The following BCAN variants were observed in gnomAD, a reference collection of about 807,000 sequenced individuals.
The protein encoded by BCAN is brevican core protein.
A neutral mutation model predicts 92.4 loss-of-function variants in BCAN; 51 were observed. The observed-to-expected ratio is 0.55, with a 90% CI of 0.44 to 0.70. The LOEUF (loss-of-function observed/expected upper bound fraction) is 0.70. Ranked by LOEUF, BCAN falls within the 30% of genes least tolerant of loss-of-function variation. The pLI is 0.00. For missense variants in BCAN, 1,140 were observed against 1,212.1 expected, an observed-to-expected ratio of 0.94 and a Z score of 0.88; for synonymous variants, 501 against 505.2, an observed-to-expected ratio of 0.99 and a Z score of 0.11.
At chr1:156,645,179 C>T (rs4292954) in intron 1 of BCAN, among the ~76,000 whole-genome samples, 5 of 152,204 alleles carry the variant, frequency 3.3e-5, no homozygotes, top group South Asian at 2.1e-4. Flanking sequence ...TTCTCCCCCC[C>T]CTTAGTCCAC....
Position 156,646,090 on chromosome 1 carries a change from G to C in BCAN, c.36G>C (p.Leu12=). Residue 12 remains leucine, a synonymous_variant, in exon 2 of 14, where the codon CTG becomes CTC. Coordinates refer to ENST00000329117, the MANE Select transcript of BCAN (RefSeq NM_021948.5). The part of the protein sequence containing the change: ...AQLFLPLLAA[L]VLAQAPAALA... ...TGTTCCTGCCCCTGCTGGCAGCCCT[G>C]GTCCTGGCCCAGGCTCCTGCAGCTT... is the stretch of plus-strand genomic sequence containing the variant. The C allele has an allele frequency of 1.2e-6, 2 of 1,613,828 alleles. No homozygotes were observed. Among genetic ancestry groups the C allele is most frequent in the Non-Finnish European group, 1.7e-6 (2 of 1,179,760 alleles).
chr1:156,657,374 T>G lies in BCAN; in HGVS notation c.2209+278T>G, dbSNP rs370454010. ...GGGGCCGCCTCCAATCCCTCCAACC[T>G]CCCTGCTCTCCGACCTCCGTCGGCC... On this transcript the variant is annotated intron_variant, in intron 10 of 13. Transcript: ENST00000329117. The G allele has an allele frequency of 1.4e-5, 8 of 558,200 alleles. 1 individual carries two copies. In the Middle Eastern group the frequency reaches 1.4e-3, roughly 99 times the overall value. 34.6% of individuals were successfully genotyped at this position (558,200 alleles called of 1,614,324 possible). A position where few individuals can be genotyped will look rare whatever the true frequency, so the allele number is the denominator to read the frequency against.
chr1:156,642,987 GC>G lies in BCAN; in HGVS notation c.-9+714del, dbSNP rs1190655432. The G allele has an allele frequency of 6.6e-6, 1 of 152,180 alleles. No homozygotes were observed. The highest frequency in any genetic ancestry group is 6.5e-5 in the Admixed American group (1 of 15,280). The allele number at this position is 152,180 out of a possible 1,614,324, so 9.4% of individuals were successfully genotyped here. A position where few individuals can be genotyped will look rare whatever the true frequency, so the allele number is the denominator to read the frequency against. On this transcript the variant is annotated intron_variant, in intron 1 of 13. Coordinates refer to ENST00000329117, the MANE Select transcript of BCAN (RefSeq NM_021948.5). This position sits in a 1 kb window ranked among gnomAD's most constrained non-coding sequence, Gnocchi z 4.2. ...CACTATTGCATTCCTTCCTAGCACT[GC>G]CAGGGGCCTGGGAATTCCCTCTCCC...
At position 156,658,183 on chromosome 1, in the gene BCAN, C is replaced by T. The variant is rs1679402700; in HGVS notation, c.2349C>T (p.Asn783=). The change falls in exon 12 of 14, where the codon AAC becomes AAT. Residue 783 remains asparagine, a synonymous_variant. Transcript: ENST00000329117. This position sits in a 1 kb window ranked among gnomAD's most constrained non-coding sequence, Gnocchi z 4.4. ...ACAGCTACTTCCTGTCTGGAGAGAA[C>T]TGCGTGGTCATGGTGTGGCATGATC... ...QPDSYFLSGE[N]CVVMVWHDQG... The T allele has an allele frequency of 1.7e-5, 28 of 1,614,096 alleles. No individual in the cohort carries two copies. Among genetic ancestry groups the T allele is most frequent in the Non-Finnish European group, 1.9e-5 (23 of 1,179,998 alleles).
At chr1:156,656,532 T>TC (rs1679334533) in intron 9 of BCAN, 143 bp downstream of exon 9, 1 of 612,502 alleles carries the variant, frequency 1.6e-6, no homozygotes, top group South Asian at 4.5e-5. Context: ...CTTCTTTGAG[T>TC]CCTACCCTCA....
chr1:156,651,452 A>G lies in BCAN; in HGVS notation c.1064-4A>G, dbSNP rs1679161198. ...CTCGCATCAATACTTTCCTCCTGCC[A>G]CAGACTCGGCCCAGCCTTCTGCCAT... is the stretch of plus-strand genomic sequence containing the variant. On this transcript the variant is annotated splice_polypyrimidine_tract_variant and splice_region_variant and intron_variant, in intron 6 of 13. Coordinates refer to ENST00000329117, the MANE Select transcript of BCAN (RefSeq NM_021948.5). 3 of 1,612,184 alleles carry G rather than the reference A, an allele frequency of 1.9e-6. No homozygotes were observed. Among genetic ancestry groups the G allele is most frequent in the Middle Eastern group, 1.7e-4 (1 of 6,054 alleles).
intron 1 of BCAN, among the ~76,000 whole-genome samples, chr1:156,645,451 C>T (rs891077439): frequency 6.6e-6 from 1 of 152,100 alleles, no homozygotes; most frequent in Admixed American, 6.6e-5. Flanking sequence ...AGAGGGTGGG[C>T]TCAGGAGAAG....
At chr1:156,650,352 C>A (rs1557988607) in intron 6 of BCAN, among the ~76,000 whole-genome samples, 1 of 152,098 alleles carries the variant, frequency 6.6e-6, no homozygotes, top group Non-Finnish European at 1.5e-5. Context: ...CTCACTGGAG[C>A]AGGTGATGAG....
At chr1:156,653,585 C>G in intron 8 of BCAN, 1 of 962,702 alleles carries the variant, frequency 1.0e-6, no homozygotes, top group Non-Finnish European at 1.2e-6. Context: ...CTCCCTGTCT[C>G]TGTGTGTGTC....
At position 156,658,611 on chromosome 1, in the gene BCAN, G is replaced by A; in HGVS notation, c.2506G>A (p.Val836Met). The change falls in exon 13 of 14, where the codon GTG (valine) becomes ATG (methionine). Residue 836 changes from valine to methionine, a missense_variant. Transcript: ENST00000329117. This position sits in a 1 kb window ranked among gnomAD's most constrained non-coding sequence, Gnocchi z 4.4. ...CGGCCGCCCACGGCTGCGCTATGAG[G>A]TGGACACTGTGCTTCGCTACCGGTG... ...VFGRPRLRYE[V>M]DTVLRYRCRE... is the part of the protein sequence containing the mutation. 1 of 1,614,106 alleles carries A rather than the reference G, an allele frequency of 6.2e-7. No homozygotes were observed. The highest frequency in any genetic ancestry group is 8.5e-7 in the Non-Finnish European group (1 of 1,180,044).
At chr1:156,656,634 A>G (rs1236248132) in intron 9 of BCAN, 3 of 486,898 alleles carry the variant, frequency 6.2e-6, no homozygotes, top group African/African-American at 3.8e-5. Flanking sequence ...ATCGGTGGTC[A>G]ATACATGACA....
At position 156,652,583 on chromosome 1, in the gene BCAN, A is replaced by G. The variant is rs1557990181; in HGVS notation, c.1633A>G (p.Thr545Ala). 1 of 1,613,942 alleles carries G rather than the reference A, an allele frequency of 6.2e-7. No individual in the cohort carries two copies. The highest frequency in any genetic ancestry group is 8.5e-7 in the Non-Finnish European group (1 of 1,179,944). The stretch of plus-strand genomic sequence containing the variant: ...TGGACCACCTACTGAGACTCTGCCC[A>G]CTCCCAGGGAGAGGAACCTAGCATC... ...VHGPPTETLP[T>A]PRERNLASPS... The change falls in exon 8 of 14, where the codon ACT becomes GCT. Residue 545 changes from threonine to alanine, a missense_variant. Transcript: ENST00000329117.
At position 156,646,319 on chromosome 1, in the gene BCAN, T is replaced by C. The variant is rs533706356; in HGVS notation, c.91+174T>C. 5.9e-5 allele frequency among the ~76,000 whole-genome samples: 9 copies of C among 152,160 alleles called. No homozygotes were observed. In the East Asian group the frequency reaches 7.7e-4, roughly 13 times the overall value. On this transcript the variant is annotated intron_variant, in intron 2 of 13. Transcript: ENST00000329117. ...AGCATCTGGTGGGTTGGAGAAATCATGGGGCAGGACTAGGGAAGGGCACTG... is the reference window on the plus strand; with the variant it reads ...AGCATCTGGTGGGTTGGAGAAATCACGGGGCAGGACTAGGGAAGGGCACTG...
At chr1:156,652,970 G>A (rs765220635) in intron 8 of BCAN, 78 bp downstream of exon 8, 4 of 1,580,150 alleles carry the variant, frequency 2.5e-6, no homozygotes, top group Non-Finnish European at 3.4e-6. Flanking sequence ...CACCTGACCT[G>A]TAGTCCTTTA....
intron 10 of BCAN, 185 bp downstream of exon 10, chr1:156,657,281 G>A: frequency 2.2e-6 from 2 of 905,738 alleles, no homozygotes; most frequent in South Asian, 1.9e-5. Flanking sequence ...TTAGGCAGTG[G>A]CCTTCGGGAA....
intron 10 of BCAN, 166 bp downstream of exon 10, chr1:156,657,262 A>C: frequency 1.0e-6 from 1 of 966,860 alleles, no homozygotes; most frequent in Non-Finnish European, 1.5e-6. Flanking sequence ...CTCCCTTCCC[A>C]CCCTACGCTT....
At position 156,647,533 on chromosome 1, in the gene BCAN, C is replaced by A; in HGVS notation, c.492C>A (p.Gly164=). ...VKGVVFLYRE[G]SARYAFSFSG... ...GGGTCGTCTTTCTCTACCGAGAGGG[C>A]TCTGCCCGCTATGCTTTCTCCTTTT... Residue 164 remains glycine (G), a synonymous_variant, in exon 4 of 14, where the codon GGC becomes GGA. Coordinates refer to ENST00000329117, the MANE Select transcript of BCAN (RefSeq NM_021948.5). This position sits in a 1 kb window ranked among gnomAD's most constrained non-coding sequence, Gnocchi z 4.8. 1.3e-6 allele frequency: 2 copies of A among 1,591,012 alleles called. No individual in the cohort carries two copies. The highest frequency in any genetic ancestry group is 1.8e-5 in the Admixed American group (1 of 55,870).
chr1:156,658,295 C>G lies in BCAN; in HGVS notation c.2437+24C>G, dbSNP rs758945558. The G allele has an allele frequency of 1.2e-6, 2 of 1,611,226 alleles. No individual in the cohort carries two copies. Among genetic ancestry groups the G allele is most frequent in the South Asian group, 2.2e-5 (2 of 90,484 alleles). The stretch of plus-strand genomic sequence containing the variant: ...GGGTGAGGGCAGGCAAAGGAGGGTC[C>G]CAGCAAGGAAGTGGAGGGGTGGGCT... On this transcript the variant is annotated intron_variant, in intron 12 of 13. Coordinates refer to ENST00000329117, the MANE Select transcript of BCAN (RefSeq NM_021948.5). This position sits in a 1 kb window ranked among gnomAD's most constrained non-coding sequence, Gnocchi z 4.4.
In BCAN at chr1:156,647,636, G is replaced by A; in HGVS notation, c.595G>A (p.Gly199Ser). The A allele has an allele frequency of 6.2e-7, 1 of 1,610,272 alleles. No individual in the cohort carries two copies. Among genetic ancestry groups the A allele is most frequent in the Non-Finnish European group, 8.5e-7 (1 of 1,178,032 alleles). ...GCAGCTCTATGCCGCCTACCTTGGG[G>A]GCTATGAGCAATGTGATGCTGGCTG... Reference protein sequence around the residue: ...PEQLYAAYLGGYEQCDAGWLS... With the variant: ...PEQLYAAYLGSYEQCDAGWLS... The change falls in exon 4 of 14, where the codon GGC becomes AGC. Residue 199 changes from glycine (G) to serine (S), a missense_variant. Around this residue, in one of 3 missense-constraint regions of BCAN, gnomAD observed 286 missense variants for 284.1 expected, o/e 1.01. Coordinates refer to ENST00000329117, the MANE Select transcript of BCAN (RefSeq NM_021948.5). The surrounding 1 kb of genome is among the most constrained non-coding windows in gnomAD (Gnocchi z 4.8).
Sources: allele counts gnomAD v4.1 joint callset (sites outside exome capture counted in the v4.1 genomes callset), GRCh38; gene constraint gnomAD v4.1.1; regional missense constraint gnomAD v4.1.1; non-coding constraint Gnocchi (gnomAD v3.1); transcripts MANE v1.5; gene names NCBI Gene and HGNC (gene_info 2026-07-23, HGNC 2026-07-21).